The following UGT1A9 variants were observed in gnomAD, a reference collection of about 807,000 sequenced individuals.
The protein encoded by UGT1A9 is UDP-glucuronosyltransferase 1A9.
Under a neutral mutation model 45.0 loss-of-function variants are expected in UGT1A9, and 35 were observed. The observed-to-expected ratio is 0.78, with a 90% CI of 0.59 to 1.03. The LOEUF (loss-of-function observed/expected upper bound fraction) is 1.03. UGT1A9 is among the 50% of genes least tolerant of loss of function. The pLI is 0.00. For missense variants in UGT1A9, 687 were observed against 666.6 expected, an observed-to-expected ratio of 1.03 and a Z score of -0.34; for synonymous variants, 278 against 250.6, an observed-to-expected ratio of 1.11 and a Z score of -1.03.
chr2:233,772,512 G>A lies in UGT1A9; in HGVS notation c.1546G>A (p.Gly516Arg), dbSNP rs1553624227. The change falls in exon 5 of 5, where the codon GGG becomes AGG. Residue 516 changes from glycine (G) to arginine (R), a missense_variant. By Grantham distance (125) the Gly-to-Arg change is moderately radical. Coordinates refer to ENST00000354728, the MANE Select transcript of UGT1A9 (RefSeq NM_021027.3). ...CCAYGYRKCL[G>R]KKGRVKKAHK... ...TGCTTATGGCTACCGGAAATGCTTG[G>A]GGAAAAAAGGGCGAGTTAAGAAAGC... 6.2e-7 allele frequency: 1 copy of A among 1,614,116 alleles called. No individual in the cohort carries two copies. The highest frequency in any genetic ancestry group is 8.5e-7 in the Non-Finnish European group (1 of 1,180,014).
intron 1 of UGT1A9, chr2:233,712,968 C>A (rs371730914): frequency 1.6e-5 from 26 of 1,612,856 alleles, no homozygotes; most frequent in Admixed American, 3.3e-5. Flanking sequence ...GGTGGACAGT[C>A]AGCTGTCGGT....
chr2:233,742,425 T>G (rs62191917), intron 1 of UGT1A9, among the ~76,000 whole-genome samples: 10,459 of 152,056 alleles, frequency 0.069, 566 homozygotes, highest in East Asian at 0.2. Context: ...CTTAAGCGGT[T>G]TTCCTCCCTG....
intron 1 of UGT1A9, among the ~76,000 whole-genome samples, chr2:233,703,700 T>A (rs1405224643): frequency 6.6e-6 from 1 of 152,198 alleles, no homozygotes; most frequent in Admixed American, 6.5e-5. Flanking sequence ...CATTTAACTT[T>A]GTAAAATTTA....
chr2:233,748,217 A>T, intron 1 of UGT1A9: 1 of 1,473,232 alleles, frequency 6.8e-7, no homozygotes, highest in East Asian at 2.4e-5. Flanking sequence ...CTTCAGTGAG[A>T]TAAACTGTTA....
rs1248602298 is a variant in UGT1A9 at position 233,672,218 on chromosome 2, A to T, written c.284A>T (p.His95Leu). 5 of 1,614,098 alleles carry T rather than the reference A, an allele frequency of 3.1e-6. No individual in the cohort carries two copies. Among genetic ancestry groups the T allele is most frequent in the Non-Finnish European group, 3.4e-6 (4 of 1,180,010 alleles). The change falls in exon 1 of 5, where the codon CAT becomes CTT. Residue 95 changes from histidine to leucine, a missense_variant. His to Leu is a moderately conservative substitution (Grantham distance 99). Transcript: ENST00000354728. The part of the protein sequence containing the change: ...DLDREFKAFA[H>L]AQWKAQVRSI... ...GACCGGGAGTTCAAGGCTTTTGCCC[A>T]TGCTCAATGGAAAGCACAAGTACGA...
Position 233,768,439 on chromosome 2 carries a change from G to T in UGT1A9, c.1295G>T (p.Ser432Ile), listed in dbSNP as rs1306719122. 6.2e-7 allele frequency: 1 copy of T among 1,613,244 alleles called. No homozygotes were observed. Among genetic ancestry groups the T allele is most frequent in the South Asian group, 1.1e-5 (1 of 90,868 alleles). ...CTAAAAGCAGTCATCAATGACAAAAGGTAAGAAAGAAGATACAGAAGAATA... is the reference window on the plus strand; with the variant it reads ...CTAAAAGCAGTCATCAATGACAAAATGTAAGAAAGAAGATACAGAAGAATA... ...NALKAVINDK[S>I]YKENIMRLSS... Residue 432 changes from serine to isoleucine, a missense_variant and splice_region_variant, in exon 4 of 5, where the codon AGT becomes ATT. Transcript: ENST00000354728.
At chr2:233,741,974 C>A (rs1011197699) in intron 1 of UGT1A9, 2 of 151,852 alleles carry the variant, frequency 1.3e-5, no homozygotes, top group Non-Finnish European at 2.9e-5. Context: ...GTTTATGGTG[C>A]CTCACCCAAA....
rs533644543 is a variant in UGT1A9 at position 233,772,493 on chromosome 2, T to C, written c.1527T>C (p.Tyr509=). 6.2e-7 allele frequency: 1 copy of C among 1,614,152 alleles called. No individual in the cohort carries two copies. The highest frequency in any genetic ancestry group is 2.2e-5 in the East Asian group (1 of 44,874). The change falls in exon 5 of 5, where the codon TAT becomes TAC. Residue 509 remains tyrosine (Y), a synonymous_variant. Transcript: ENST00000354728. Reference sequence around the variant, plus strand: ...TCATCACCTTTAAATGTTGTGCTTATGGCTACCGGAAATGCTTGGGGAAAA... The same window carrying C: ...TCATCACCTTTAAATGTTGTGCTTACGGCTACCGGAAATGCTTGGGGAAAA... The part of the protein sequence containing the change: ...VAFITFKCCA[Y]GYRKCLGKKG...
intron 1 of UGT1A9, chr2:233,747,090 C>T (rs999571843): frequency 1.8e-5 from 23 of 1,247,242 alleles, no homozygotes; most frequent in Non-Finnish European, 6.6e-6. Flanking sequence ...GAGGAGAGCA[C>T]TCTATCTTCC....
At chr2:233,751,162 T>C (rs1694655523) in intron 1 of UGT1A9, among the ~76,000 whole-genome samples, 1 of 151,980 alleles carries the variant, frequency 6.6e-6, no homozygotes, top group South Asian at 2.1e-4. Flanking sequence ...GGCATCAGCA[T>C]GACCTAGATA....
intron 1 of UGT1A9, among the ~76,000 whole-genome samples, chr2:233,680,922 C>T (rs1164183970): frequency 2.0e-5 from 3 of 151,956 alleles, no homozygotes; most frequent in African/African-American, 7.2e-5. Context: ...TGAGGAAAGC[C>T]ATTTAAAATA....
At chr2:233,724,191 T>C (rs1269931641) in intron 1 of UGT1A9, among the ~76,000 whole-genome samples, 4 of 105,204 alleles carry the variant, frequency 3.8e-5, no homozygotes, top group South Asian at 3.6e-4. Flanking sequence ...CCGGACGGGG[T>C]GGCTGGCCGG....
chr2:233,672,190 C>A lies in UGT1A9; in HGVS notation c.256C>A (p.Leu86Met). Residue 86 changes from leucine (L) to methionine (M), a missense_variant, in exon 1 of 5, where the codon CTG (leucine) becomes ATG (methionine). Physicochemically the swap from Leu to Met is conservative, Grantham distance 15. Transcript: ENST00000354728. ...TTCAACTTCATATACCCTGGAGGAT[C>A]TGGACCGGGAGTTCAAGGCTTTTGC... ...TYSTSYTLEDLDREFKAFAHA... is the reference protein window; with the variant it reads ...TYSTSYTLEDMDREFKAFAHA... 1 of 1,614,190 alleles carries A rather than the reference C, an allele frequency of 6.2e-7. No individual in the cohort carries two copies. The highest frequency in any genetic ancestry group is 2.2e-5 in the East Asian group (1 of 44,890).
At chr2:233,755,453 T>A (rs1392430727) in intron 1 of UGT1A9, 2 of 305,122 alleles carry the variant, frequency 6.6e-6, no homozygotes, top group Non-Finnish European at 1.3e-5. Context: ...CTCCTGGGAC[T>A]GGCCCTGCTC....
intron 1 of UGT1A9, among the ~76,000 whole-genome samples, chr2:233,678,137 A>T (rs189489255): frequency 2.5e-4 from 38 of 152,316 alleles, no homozygotes; most frequent in Admixed American, 9.1e-4. Flanking sequence ...GGGCATAAAG[A>T]TGGCAACAAT....
chr2:233,753,691 A>T (rs900061019), intron 1 of UGT1A9: 1 of 152,228 alleles, frequency 6.6e-6, no homozygotes, highest in African/African-American at 2.4e-5. Context: ...ACAATATTAC[A>T]GATGCACTTG....
At chr2:233,752,691 A>G (rs1290582885) in intron 1 of UGT1A9, 2 of 152,214 alleles carry the variant, frequency 1.3e-5, no homozygotes, top group Non-Finnish European at 2.9e-5. Context: ...ATTCATGTTT[A>G]CTAGTGGGGT....
At chr2:233,765,894 C>A (rs527736361) in intron 1 of UGT1A9, among the ~76,000 whole-genome samples, 1 of 152,060 alleles carries the variant, frequency 6.6e-6, no homozygotes, top group Non-Finnish European at 1.5e-5. Flanking sequence ...CAGTGCGCCA[C>A]TGCTCAAACC....
rs548179341 is a variant in UGT1A9 at position 233,739,425 on chromosome 2, G to A, written c.856-27609G>A. ...GCCACCCTCTGAAAGCAGCCAGGACGAGGGCTTTACCCTGCAAAGCCACAG... is the reference window on the plus strand; with the variant it reads ...GCCACCCTCTGAAAGCAGCCAGGACAAGGGCTTTACCCTGCAAAGCCACAG... On this transcript the variant is annotated intron_variant, in intron 1 of 4. Transcript: ENST00000354728. Among the ~76,000 whole-genome samples the A allele has an allele frequency of 5.9e-5, 9 of 152,320 alleles. No individual in the cohort carries two copies. The East Asian group carries it at 7.7e-4, about 13-fold the overall frequency.
Sources: gnomAD v4.1 joint callset for allele counts (sites outside exome capture counted in the v4.1 genomes callset) on GRCh38, gnomAD v4.1.1 for gene constraint, MANE v1.5 for transcripts, NCBI Gene and HGNC (gene_info 2026-07-23, HGNC 2026-07-21) for gene names.